FNIP1: variants seen among roughly 807,000 people sequenced by gnomAD.
The protein encoded by FNIP1 is folliculin interacting protein 1.
Under a neutral mutation model 124.5 loss-of-function variants are expected in FNIP1, and 40 were observed. The ratio of observed to expected loss-of-function variants is 0.32; its 90% CI spans 0.25 to 0.42. The LOEUF (loss-of-function observed/expected upper bound fraction) is 0.42. Ranked by LOEUF, FNIP1 falls within the 10% of genes least tolerant of loss-of-function variation. The pLI is 1.00. For synonymous variants in FNIP1, 472 were observed against 470.6 expected (o/e 1.00, Z -0.04); for missense variants, 1,176 against 1,403.7 (o/e 0.84, Z 2.59).
intron 11 of FNIP1, among the ~76,000 whole-genome samples, chr5:131,687,647 G>GA (rs1304078083): frequency 2.6e-5 from 4 of 151,954 alleles, no homozygotes; most frequent in Non-Finnish European, 5.9e-5. Flanking sequence ...TCTGAAAACT[G>GA]AAAAAATGGG....
rs1768569116 is a variant in FNIP1 at position 131,693,338 on chromosome 5, A to ATATATATG, written c.1202+5578_1202+5579insCATATATA. 2.5e-5 allele frequency among the ~76,000 whole-genome samples: 3 copies of ATATATATG among 121,114 alleles called. 1 individual carries two copies. The highest frequency in any genetic ancestry group is 5.1e-5 in the Non-Finnish European group (3 of 58,808). 79.5% of individuals were successfully genotyped at this position (121,114 alleles called of 152,430 possible). On this transcript the variant is annotated intron_variant, in intron 11 of 17. Transcript: ENST00000510461. ...TATACACATATATATATATACATAT[A>ATATATATG]TATATATATATATATATATATATAG...
chr5:131,648,337 C>T (rs189394691), intron 16 of FNIP1, among the ~76,000 whole-genome samples: 46 of 150,356 alleles, frequency 3.1e-4, no homozygotes, highest in African/African-American at 1.1e-3. Flanking sequence ...GAAACACATA[C>T]ATTTTGTTTA....
At chr5:131,780,431 C>A (rs1301480854) in intron 1 of FNIP1, among the ~76,000 whole-genome samples, 4 of 151,994 alleles carry the variant, frequency 2.6e-5, no homozygotes, top group Non-Finnish European at 5.9e-5. Flanking sequence ...TTATTGAACT[C>A]CGCTTTATTG....
chr5:131,695,846 CTG>C (rs1468784302), intron 11 of FNIP1, among the ~76,000 whole-genome samples: 1 of 152,214 alleles, frequency 6.6e-6, no homozygotes, highest in Non-Finnish European at 1.5e-5. Context: ...CTTTCAAAAA[CTG>C]TGTTCAACAT....
At chr5:131,645,022 A>C (rs991545727) in intron 17 of FNIP1, among the ~76,000 whole-genome samples, 1 of 152,212 alleles carries the variant, frequency 6.6e-6, no homozygotes, top group Non-Finnish European at 1.5e-5. Context: ...TAACAACTGC[A>C]ATCTAGTGTA....
rs767898166 is a variant in FNIP1, at chr5:131,677,827, G to A, written c.1395C>T (p.Ala465=). The A allele has an allele frequency of 5.0e-5, 81 of 1,614,056 alleles. 1 individual carries two copies. The Middle Eastern group carries it at 3.3e-3, about 66-fold the overall frequency. Reference sequence around the variant, plus strand: ...CATTTGGCATGACTGTTGGAACCCAGGCAAGATGATTGGTCAGAACTGCAG... The same window carrying A: ...CATTTGGCATGACTGTTGGAACCCAAGCAAGATGATTGGTCAGAACTGCAG... ...LITAVLTNHL[A]WVPTVMPNGQ... Residue 465 remains alanine, a synonymous_variant, in exon 13 of 18, where the codon GCC becomes GCT. Transcript: ENST00000510461.
At chr5:131,772,708 A>G (rs1044097032) in intron 1 of FNIP1, among the ~76,000 whole-genome samples, 1 of 152,132 alleles carries the variant, frequency 6.6e-6, no homozygotes, top group Non-Finnish European at 1.5e-5. Flanking sequence ...CACATCCCAT[A>G]TTCAGTCAAG....
At chr5:131,709,330 C>A in intron 7 of FNIP1, 58 bp from the exon 8 acceptor site, 2 of 1,419,154 alleles carry the variant, frequency 1.4e-6, no homozygotes, top group Non-Finnish European at 2.0e-6. Context: ...GGTGGATGAA[C>A]AGCTCCTTTT....
In FNIP1 at chr5:131,642,912, A is replaced by T. The variant is rs945311413; in HGVS notation, c.*1773T>A. On this transcript the variant is annotated 3_prime_UTR_variant, in exon 18 of 18. Coordinates refer to ENST00000510461, the MANE Select transcript of FNIP1 (RefSeq NM_133372.3). The stretch of plus-strand genomic sequence containing the variant: ...AAAAGGTACAATGGCCCGCAAATGT[A>T]TGAACTTTTTAATATTCTGAATTCT... 6.6e-6 allele frequency: 1 copy of T among 150,422 alleles called. No homozygotes were observed. The highest frequency in any genetic ancestry group is 2.4e-5 in the African/African-American group (1 of 41,118). 9.3% of individuals were successfully genotyped at this position (150,422 alleles called of 1,614,324 possible). A position where few individuals can be genotyped will look rare whatever the true frequency, so the allele number is the denominator to read the frequency against.
At chr5:131,675,782 A>C (rs1767891749) in intron 13 of FNIP1, among the ~76,000 whole-genome samples, 1 of 152,184 alleles carries the variant, frequency 6.6e-6, no homozygotes. Flanking sequence ...AGGCATAAGG[A>C]AACTTTTGTA....
intron 15 of FNIP1, among the ~76,000 whole-genome samples, chr5:131,652,602 A>G (rs540650738): frequency 1.3e-5 from 2 of 152,148 alleles, no homozygotes; most frequent in African/African-American, 2.4e-5. Flanking sequence ...CGGCCTCCCA[A>G]AGTTTTGGGA....
chr5:131,732,157 C>T (rs1770116443), intron 2 of FNIP1, among the ~76,000 whole-genome samples: 1 of 152,170 alleles, frequency 6.6e-6, no homozygotes, highest in Admixed American at 6.6e-5. Flanking sequence ...TAAAAGTATT[C>T]CAGTGCTTTA....
intron 1 of FNIP1, among the ~76,000 whole-genome samples, chr5:131,781,786 C>T (rs1284085811): frequency 1.3e-5 from 2 of 152,038 alleles, no homozygotes; most frequent in African/African-American, 4.8e-5. Context: ...ATTCTGCAGC[C>T]TACGGATCAA....
chr5:131,738,399 G>A (rs1314485186), intron 2 of FNIP1, among the ~76,000 whole-genome samples: 2 of 151,866 alleles, frequency 1.3e-5, no homozygotes, highest in African/African-American at 4.8e-5. Flanking sequence ...CTTTCCTTAT[G>A]GTGTTGTTTT....
At position 131,748,383 on chromosome 5, in the gene FNIP1, C is replaced by T. The variant is rs118069231; in HGVS notation, c.93-3693G>A. On this transcript the variant is annotated intron_variant, in intron 1 of 17. Coordinates refer to ENST00000510461, the MANE Select transcript of FNIP1 (RefSeq NM_133372.3). ...ATTACGGATACAATTATGTAAAATA[C>T]GCAATACTTGATAATAAAAGACTAT... 6.6e-5 allele frequency among the ~76,000 whole-genome samples: 10 copies of T among 152,086 alleles called. No homozygotes were observed. In the East Asian group the frequency reaches 1.4e-3, roughly 21 times the overall value.
chr5:131,679,228 C>T (rs1768001253), intron 11 of FNIP1, 53 bp from the exon 12 acceptor site: 3 of 1,060,862 alleles, frequency 2.8e-6, no homozygotes, highest in Non-Finnish European at 2.8e-6. Flanking sequence ...GTTACATACT[C>T]TTAAAATAAT....
intron 9 of FNIP1, among the ~76,000 whole-genome samples, chr5:131,705,338 G>A (rs1769068669): frequency 6.6e-6 from 1 of 151,836 alleles, no homozygotes; most frequent in Non-Finnish European, 1.5e-5. Flanking sequence ...AGCCAGGTGT[G>A]GTGGCAAGCC....
chr5:131,770,794 AAAGTGATTATCACGTG>A (rs1232341754), intron 1 of FNIP1, among the ~76,000 whole-genome samples: 3 of 152,208 alleles, frequency 2.0e-5, no homozygotes, highest in African/African-American at 7.2e-5. Context: ...CAAGATCTCC[AAAGTGATTATCACGTG>A]AAGAAAAGCA....
intron 12 of FNIP1, 148 bp from the exon 13 acceptor site, chr5:131,678,020 T>C: frequency 1.6e-6 from 1 of 619,648 alleles, no homozygotes; most frequent in African/African-American, 1.8e-5. Flanking sequence ...AGGATGAGTA[T>C]ATAACACCAA....
Sources: gnomAD v4.1 joint callset for allele counts (sites outside exome capture counted in the v4.1 genomes callset) on GRCh38, gnomAD v4.1.1 for gene constraint, MANE v1.5 for transcripts, NCBI Gene and HGNC (gene_info 2026-07-23, HGNC 2026-07-21) for gene names.